FYB1: variants seen among roughly 807,000 people sequenced by gnomAD.
The protein encoded by FYB1 is FYN-binding protein 1.
A neutral mutation model predicts 94.1 loss-of-function variants in FYB1; 41 were observed. That is an observed-to-expected ratio of 0.44 (90% CI 0.34 to 0.57). The LOEUF is 0.57. FYB1 is among the 20% of genes least tolerant of loss of function. The pLI, the probability that FYB1 is intolerant of heterozygous loss-of-function variation, is 0.02. For synonymous variants in FYB1, 367 were observed against 353.2 expected, an observed-to-expected ratio of 1.04 and a Z score of -0.44; for missense variants, 1,050 against 976.8, an observed-to-expected ratio of 1.07 and a Z score of -1.00.
intron 3 of FYB1, among the ~76,000 whole-genome samples, chr5:39,146,998 T>C (rs1329285844): frequency 6.6e-6 from 1 of 151,864 alleles, no homozygotes; most frequent in African/African-American, 2.4e-5. Context: ...AAAAGCCCCA[T>C]ACAGAGAGTA....
intron 2 of FYB1, among the ~76,000 whole-genome samples, chr5:39,165,353 G>A (rs185821102): frequency 3.2e-4 from 48 of 152,274 alleles, no homozygotes; most frequent in African/African-American, 1.1e-3. Flanking sequence ...ACAGCCAACT[G>A]ATCTTTGACA....
Position 39,192,661 on chromosome 5 carries a change from C to T in FYB1, c.1135+9165G>A, listed in dbSNP as rs146686173. On this transcript the variant is annotated intron_variant, in intron 2 of 18. Coordinates refer to ENST00000512982, the MANE Select transcript of FYB1 (RefSeq NM_001465.6). ...CTTCCTTTCACATAACTAAGAAAAG[C>T]GACAGTTCCTCTTAAAGCAGGGTGA... Among the ~76,000 whole-genome samples, 1,367 of 152,284 alleles carry T rather than the reference C, an allele frequency of 9.0e-3. 22 individuals carry two copies. Among genetic ancestry groups the T allele is most frequent in the African/African-American group, 0.032 (1,324 of 41,542 alleles).
At chr5:39,235,652 G>T (rs10045107) in intron 1 of FYB1, among the ~76,000 whole-genome samples, 6,671 of 151,302 alleles carry the variant, frequency 0.044, 367 homozygotes, top group African/African-American at 0.13. Context: ...ATAAACAGTC[G>T]TTAAGCAGTT....
At chr5:39,179,950 C>T (rs1746068558) in intron 2 of FYB1, among the ~76,000 whole-genome samples, 2 of 152,236 alleles carry the variant, frequency 1.3e-5, no homozygotes, top group South Asian at 4.1e-4. Flanking sequence ...CCTATCTAAC[C>T]CTCCAGGAAT....
chr5:39,163,826 A>G (rs538198201), intron 2 of FYB1, among the ~76,000 whole-genome samples: 42 of 134,228 alleles, frequency 3.1e-4, no homozygotes, highest in African/African-American at 1.0e-3. Flanking sequence ...AAGATACAAC[A>G]TATTTGGGCA....
At chr5:39,272,400 C>T (rs1561323499) in intron 1 of FYB1, among the ~76,000 whole-genome samples, 1 of 151,994 alleles carries the variant, frequency 6.6e-6, no homozygotes, top group Non-Finnish European at 1.5e-5. Flanking sequence ...CGCGGTGGCT[C>T]ATGCCTGTAA....
At chr5:39,270,443 G>C (rs1009584678) in intron 1 of FYB1, 3 of 800,854 alleles carry the variant, frequency 3.7e-6, no homozygotes, top group Non-Finnish European at 5.7e-6. Context: ...GGAAAAAGTG[G>C]CCAAGCAAAA....
At chr5:39,111,702 GAC>G (rs1298468320) in intron 16 of FYB1, among the ~76,000 whole-genome samples, 1 of 151,754 alleles carries the variant, frequency 6.6e-6, no homozygotes, top group Admixed American at 6.6e-5. Context: ...AAAATAATGA[GAC>G]ATGTGCCAAG....
intron 1 of FYB1, among the ~76,000 whole-genome samples, chr5:39,209,811 A>T (rs1474279528): frequency 2.6e-5 from 4 of 152,216 alleles, no homozygotes; most frequent in African/African-American, 4.8e-5. Context: ...GTACTGGCTG[A>T]TGGACTGCGT....
chr5:39,234,646 T>G (rs1750880479), intron 1 of FYB1, among the ~76,000 whole-genome samples: 1 of 152,124 alleles, frequency 6.6e-6, no homozygotes. Context: ...CCAACCTAAA[T>G]GCCCATCAAT....
At chr5:39,243,934 T>C (rs893599043) in intron 1 of FYB1, among the ~76,000 whole-genome samples, 9 of 152,182 alleles carry the variant, frequency 5.9e-5, no homozygotes, top group Non-Finnish European at 1.2e-4. Flanking sequence ...ATGATTTAGC[T>C]CTCTGTTTGT....
rs541811654 is a variant in FYB1, at chr5:39,261,679, G to A, written c.-28+12724C>T. Among the ~76,000 whole-genome samples, 72 of 152,214 alleles carry A rather than the reference G, an allele frequency of 4.7e-4. 2 individuals carry two copies. In the South Asian group the frequency reaches 0.013, roughly 28 times the overall value. Reference sequence around the variant, plus strand: ...GGAGAGCCACTTGAACCCAGGAGGCGGAGATTGCAGTGAGCAGAGATCGTG... The same window carrying A: ...GGAGAGCCACTTGAACCCAGGAGGCAGAGATTGCAGTGAGCAGAGATCGTG... On this transcript the variant is annotated intron_variant, in intron 1 of 1. Coordinates refer to the FYB1 transcript ENST00000510188.
At chr5:39,247,096 A>G (rs998253545) in intron 1 of FYB1, among the ~76,000 whole-genome samples, 3 of 140,788 alleles carry the variant, frequency 2.1e-5, no homozygotes, top group South Asian at 2.3e-4. Context: ...ATATATATAT[A>G]TATATATATA....
At chr5:39,266,880 T>C (rs1752457898) in intron 1 of FYB1, among the ~76,000 whole-genome samples, 1 of 152,192 alleles carries the variant, frequency 6.6e-6, no homozygotes, top group Non-Finnish European at 1.5e-5. Flanking sequence ...AGCCTGAGAA[T>C]GGACCTGGCA....
At chr5:39,240,574 TCAA>T (rs1751160113) in intron 1 of FYB1, among the ~76,000 whole-genome samples, 1 of 152,100 alleles carries the variant, frequency 6.6e-6, no homozygotes, top group African/African-American at 2.4e-5. Context: ...GAAAAAATGC[TCAA>T]CAATACTAAG....
chr5:39,222,135 C>A (rs185058822), upstream of FYB1, among the ~76,000 whole-genome samples: 130 of 152,296 alleles, frequency 8.5e-4, 1 homozygote, highest in African/African-American at 2.9e-3. Flanking sequence ...TGGCTAACTC[C>A]TGCTTATGCT....
At chr5:39,201,300 G>A (rs1234355910) in intron 2 of FYB1, among the ~76,000 whole-genome samples, 2 of 152,148 alleles carry the variant, frequency 1.3e-5, no homozygotes, top group Non-Finnish European at 2.9e-5. Context: ...CCTGGCCATT[G>A]TAGGATGTTC....
At position 39,159,965 on chromosome 5, in the gene FYB1, C is replaced by G. The variant is rs959469920; in HGVS notation, c.1136-6361G>C. On this transcript the variant is annotated intron_variant, in intron 2 of 18. Coordinates refer to ENST00000512982, the MANE Select transcript of FYB1 (RefSeq NM_001465.6). Reference sequence around the variant, plus strand: ...TCCTTTTTTAACCTCTTCCCCCACCCTAGATACCAGCTGATTTTGTTCCTC... The same window carrying G: ...TCCTTTTTTAACCTCTTCCCCCACCGTAGATACCAGCTGATTTTGTTCCTC... Among the ~76,000 whole-genome samples, 5 of 152,306 alleles carry G rather than the reference C, an allele frequency of 3.3e-5. No homozygotes were observed. The South Asian group carries it at 1.0e-3, about 32-fold the overall frequency.
chr5:39,213,834 G>A (rs1366221465), intron 1 of FYB1, among the ~76,000 whole-genome samples: 2 of 152,054 alleles, frequency 1.3e-5, no homozygotes, highest in Non-Finnish European at 2.9e-5. Context: ...TGCCTGAGAT[G>A]GTGATTATCG....
Sources: gnomAD v4.1 joint callset for allele counts (sites outside exome capture counted in the v4.1 genomes callset) on GRCh38, gnomAD v4.1.1 for gene constraint, MANE v1.5 for transcripts, NCBI Gene and HGNC (gene_info 2026-07-23, HGNC 2026-07-21) for gene names.